The following ROBO1 variants were observed in gnomAD, a reference collection of about 807,000 sequenced individuals.
ROBO1 encodes roundabout guidance receptor 1, also known as roundabout homolog 1.
In ROBO1, 149 loss-of-function variants were observed where a neutral mutation model predicts 195.9. The ratio of observed to expected loss-of-function variants is 0.76; its 90% CI spans 0.67 to 0.87. ROBO1 has a LOEUF of 0.87. Ranked by LOEUF, ROBO1 falls within the 40% of genes least tolerant of loss-of-function variation. The pLI is 0.00. For missense variants in ROBO1, 1,933 were observed against 2,068.3 expected (o/e 0.93, Z 1.27); for synonymous variants, 816 against 733.2 (o/e 1.11, Z -1.82).
chr3:79,616,495 A>C (rs1222407131), intron 1 of ROBO1, among the ~76,000 whole-genome samples: 1 of 152,102 alleles, frequency 6.6e-6, no homozygotes, highest in Non-Finnish European at 1.5e-5. Flanking sequence ...AAATTATTGC[A>C]GCCATCAAAG....
chr3:78,806,596 T>G (rs564930368), intron 4 of ROBO1, among the ~76,000 whole-genome samples: 2 of 152,270 alleles, frequency 1.3e-5, no homozygotes, highest in African/African-American at 2.4e-5. Context: ...TTATAAGTCA[T>G]GTTAAGAAGT....
intron 4 of ROBO1, among the ~76,000 whole-genome samples, chr3:78,850,361 T>C (rs1260399404): frequency 6.6e-6 from 1 of 152,204 alleles, no homozygotes; most frequent in Non-Finnish European, 1.5e-5. Context: ...TAGTCTATAT[T>C]TTAAAATTTC....
At chr3:79,738,066 G>T (rs1295226638) in intron 1 of ROBO1, among the ~76,000 whole-genome samples, 2 of 152,018 alleles carry the variant, frequency 1.3e-5, no homozygotes, top group Non-Finnish European at 2.9e-5. Flanking sequence ...TTCATCCTGG[G>T]GAATGTGTAA....
intron 2 of ROBO1, among the ~76,000 whole-genome samples, chr3:79,352,360 GT>G (rs2035376497): frequency 2.0e-5 from 3 of 152,100 alleles, no homozygotes; most frequent in African/African-American, 7.2e-5. Flanking sequence ...CTCACAAGAG[GT>G]TACAGGTCCC....
At chr3:78,886,092 T>C (rs1472458338) in intron 4 of ROBO1, among the ~76,000 whole-genome samples, 1 of 151,540 alleles carries the variant, frequency 6.6e-6, no homozygotes, top group East Asian at 1.9e-4. Context: ...CAACATCAAA[T>C]AGTTATGTCA....
intron 26 of ROBO1, among the ~76,000 whole-genome samples, chr3:78,618,878 A>G (rs1704282849): frequency 6.6e-6 from 1 of 152,204 alleles, no homozygotes; most frequent in Non-Finnish European, 1.5e-5. Context: ...GAATAACAAC[A>G]GCTAGAAGCC....
chr3:78,885,909 TTATA>T (rs10651992), intron 4 of ROBO1, among the ~76,000 whole-genome samples: 1,309 of 117,730 alleles, frequency 0.011, 15 homozygotes, highest in African/African-American at 0.031. Flanking sequence ...TAGCAAAATT[TTATA>T]TATATATATA....
rs57887981 is a variant in ROBO1 at position 79,500,119 on chromosome 3, C to CTTTTTTTT, written c.88+89697_88+89704dup. Among the ~76,000 whole-genome samples, 2 of 72,476 alleles carry CTTTTTTTT rather than the reference C, an allele frequency of 2.8e-5. 1 individual carries two copies. Among genetic ancestry groups the CTTTTTTTT allele is most frequent in the African/African-American group, 1.1e-4 (2 of 17,660 alleles). 47.5% of individuals were successfully genotyped at this position (72,476 alleles called of 152,430 possible). On this transcript the variant is annotated intron_variant, in intron 2 of 30. Coordinates refer to ENST00000464233, the MANE Select transcript of ROBO1 (RefSeq NM_002941.4). ...CATCCCATGCGGCAGTAAGTTTTCT[C>CTTTTTTTT]TTTTTTTTTTTTTTTTTTTTTTTTT... is the stretch of plus-strand genomic sequence containing the variant.
Position 79,061,019 on chromosome 3 carries a change from A to G in ROBO1, c.172+64437T>C, listed in dbSNP as rs1166831679. Among the ~76,000 whole-genome samples, 3 of 152,096 alleles carry G rather than the reference A, an allele frequency of 2.0e-5. 1 individual carries two copies. The highest frequency in any genetic ancestry group is 7.2e-5 in the African/African-American group (3 of 41,436). On this transcript the variant is annotated intron_variant, in intron 3 of 30. Coordinates refer to ENST00000464233, the MANE Select transcript of ROBO1 (RefSeq NM_002941.4). ...GGCCAGGGCAATCAGGCCAAGAGAA[A>G]TAAATAAAGGGTATTTGGTTAGGAA...
chr3:78,823,440 A>C (rs1456942014), intron 4 of ROBO1, among the ~76,000 whole-genome samples: 1 of 152,226 alleles, frequency 6.6e-6, no homozygotes, highest in African/African-American at 2.4e-5. Flanking sequence ...AATAAGGAAG[A>C]CAGGGAACAA....
intron 3 of ROBO1, among the ~76,000 whole-genome samples, chr3:78,983,225 T>G (rs2077036585): frequency 6.6e-6 from 1 of 152,222 alleles, no homozygotes; most frequent in Non-Finnish European, 1.5e-5. Context: ...CAGCTATCTA[T>G]TAGAGCTAAA....
chr3:78,697,686 C>T (rs2081331692), intron 8 of ROBO1, among the ~76,000 whole-genome samples: 1 of 152,128 alleles, frequency 6.6e-6, no homozygotes, highest in Non-Finnish European at 1.5e-5. Flanking sequence ...ATAACCGTGT[C>T]TGGCAAAGGG....
At position 78,743,387 on chromosome 3, in the gene ROBO1, C is replaced by T. The variant is rs75294961; in HGVS notation, c.657+3356G>A. Among the ~76,000 whole-genome samples, 379 of 152,196 alleles carry T rather than the reference C, an allele frequency of 2.5e-3. 1 individual carries two copies. Among genetic ancestry groups the T allele is most frequent in the African/African-American group, 8.2e-3 (340 of 41,530 alleles). On this transcript the variant is annotated intron_variant, in intron 5 of 30. Transcript: ENST00000464233. ...TCAGTCACCGACACCTCCTTCAAAT[C>T]GTCTTTACTTGGCGGCCCTTCTAAC...
chr3:79,608,528 T>A (rs922554978), intron 1 of ROBO1, among the ~76,000 whole-genome samples: 8 of 152,008 alleles, frequency 5.3e-5, no homozygotes, highest in African/African-American at 7.2e-5. Context: ...TGGGTCAGAC[T>A]GTATTGGCAG....
chr3:79,321,536 G>A (rs61120197), intron 2 of ROBO1, among the ~76,000 whole-genome samples: 3,127 of 152,082 alleles, frequency 0.021, 91 homozygotes, highest in African/African-American at 0.072. Context: ...TTTCCTCTTC[G>A]TCATTTATTC....
chr3:79,399,623 T>A (rs1382715466), intron 2 of ROBO1, among the ~76,000 whole-genome samples: 1 of 152,190 alleles, frequency 6.6e-6, no homozygotes, highest in Non-Finnish European at 1.5e-5. Flanking sequence ...TCTGCCATAA[T>A]ATTTTAAACT....
intron 2 of ROBO1, among the ~76,000 whole-genome samples, chr3:79,136,166 CA>C (rs2080404574): frequency 6.6e-6 from 1 of 152,020 alleles, no homozygotes. Context: ...CCATGGTAGC[CA>C]GTATTATATT....
intron 2 of ROBO1, among the ~76,000 whole-genome samples, chr3:79,284,047 G>A (rs1051487459): frequency 3.3e-5 from 5 of 151,632 alleles, no homozygotes; most frequent in Non-Finnish European, 7.4e-5. Context: ...CTGGGTCGCT[G>A]GTGGATTTTT....
chr3:79,394,695 G>A (rs147487866), intron 2 of ROBO1, among the ~76,000 whole-genome samples: 3 of 152,092 alleles, frequency 2.0e-5, no homozygotes, highest in Admixed American at 2.0e-4. Flanking sequence ...CTTCTTAATA[G>A]AGTGAATGAA....
Sources: allele counts gnomAD v4.1 joint callset (sites outside exome capture counted in the v4.1 genomes callset), GRCh38; gene constraint gnomAD v4.1.1; transcripts MANE v1.5; gene names NCBI Gene and HGNC (gene_info 2026-07-23, HGNC 2026-07-21).